CRYBG3: variants seen among roughly 807,000 people sequenced by gnomAD.
The protein encoded by CRYBG3 is crystallin beta-gamma domain containing 3.
CRYBG3 carries 127 observed loss-of-function variants against 244.2 expected under a neutral mutation model. The ratio of observed to expected loss-of-function variants is 0.52; its 90% confidence interval spans 0.45 to 0.60. The LOEUF (loss-of-function observed/expected upper bound fraction) is 0.60. CRYBG3 is among the 20% of genes least tolerant of loss of function. The pLI is 0.00. For missense variants in CRYBG3, 3,325 were observed against 3,442.5 expected (o/e 0.97, Z 0.85); for synonymous variants, 1,132 against 1,195.8 (o/e 0.95, Z 1.10).
intron 11 of CRYBG3, among the ~76,000 whole-genome samples, chr3:97,895,474 G>C (rs1405918932): frequency 2.6e-5 from 4 of 152,036 alleles, no homozygotes; most frequent in Admixed American, 1.3e-4. Flanking sequence ...CTTGTATTTT[G>C]TTTTAGAACT....
chr3:97,923,429 A>G (rs2040005614), intron 17 of CRYBG3, among the ~76,000 whole-genome samples: 1 of 152,124 alleles, frequency 6.6e-6, no homozygotes, highest in African/African-American at 2.4e-5. Context: ...TATTATGCAC[A>G]TTTTGAAAAT....
chr3:97,830,560 A>AT (rs2038641409), intron 1 of CRYBG3, among the ~76,000 whole-genome samples: 3 of 152,212 alleles, frequency 2.0e-5, no homozygotes, highest in Admixed American at 2.0e-4. Flanking sequence ...CTGAAAATAC[A>AT]TTTTTCTACT....
rs895772455 is a variant in CRYBG3 at position 97,822,233 on chromosome 3, C to T, written c.27C>T (p.Ser9=). 1.3e-6 allele frequency: 2 copies of T among 1,527,600 alleles called. No homozygotes were observed. The highest frequency in any genetic ancestry group is 2.5e-5 in the East Asian group (1 of 40,218). 94.6% of individuals were successfully genotyped at this position (1,527,600 alleles called of 1,614,324 possible). MSSGRRRG[S]APWHSFSRFF... is the part of the protein sequence containing the mutation. ...TGTCCAGCGGCCGCAGAAGGGGCAG[C>T]GCCCCCTGGCACAGCTTCTCCCGGT... Residue 9 remains serine (S), a synonymous_variant, in exon 1 of 22, where the codon AGC becomes AGT. Transcript: ENST00000389622.
rs546096888 is a variant in CRYBG3 at position 97,838,376 on chromosome 3, T to C, written c.150-4819T>C. On this transcript the variant is annotated intron_variant, in intron 1 of 21. Transcript: ENST00000389622. ...ATCAGTTGTTGATGTCAGCTAAAGA[T>C]AGAGAGGCTCTCAGACCATTGTTTA... 1.8e-3 allele frequency among the ~76,000 whole-genome samples: 269 copies of C among 152,258 alleles called. No individual in the cohort carries two copies. The Middle Eastern group carries it at 0.024, about 13-fold the overall frequency.
intron 12 of CRYBG3, among the ~76,000 whole-genome samples, chr3:97,897,584 C>T (rs2039654006): frequency 6.6e-6 from 1 of 151,928 alleles, no homozygotes; most frequent in African/African-American, 2.4e-5. Context: ...ATAGGGCTTA[C>T]CCTGGACTTT....
At chr3:97,932,244 G>A (rs1272513265) in intron 17 of CRYBG3, among the ~76,000 whole-genome samples, 5 of 151,950 alleles carry the variant, frequency 3.3e-5, no homozygotes, top group Admixed American at 1.3e-4. Context: ...AAATGGTAGT[G>A]TATGAAATAC....
intron 19 of CRYBG3, among the ~76,000 whole-genome samples, chr3:97,940,030 G>T (rs897213157): frequency 3.3e-5 from 5 of 152,002 alleles, no homozygotes; most frequent in African/African-American, 1.2e-4. Flanking sequence ...ATGTTTCTTA[G>T]CATGAAAGTG....
chr3:97,915,795 C>A, intron 17 of CRYBG3, 59 bp downstream of exon 17: 1 of 1,286,770 alleles, frequency 7.8e-7, no homozygotes, highest in Non-Finnish European at 1.1e-6. Context: ...GTTTAATTAC[C>A]ACCAATGATA....
intron 2 of CRYBG3, among the ~76,000 whole-genome samples, chr3:97,859,153 G>A (rs1375650457): frequency 3.3e-5 from 5 of 152,108 alleles, no homozygotes; most frequent in African/African-American, 1.2e-4. Context: ...GGGCAGTATC[G>A]TCAGTGACAG....
chr3:97,870,319 A>G (rs1032239296), intron 3 of CRYBG3, among the ~76,000 whole-genome samples: 5 of 152,052 alleles, frequency 3.3e-5, no homozygotes, highest in Admixed American at 2.0e-4. Context: ...ATTAGGCCCC[A>G]GTGTTTATTG....
In CRYBG3 at chr3:97,872,243, C is replaced by T. The variant is rs1024371911; in HGVS notation, c.1049C>T (p.Ser350Phe). The T allele has an allele frequency of 6.5e-7, 1 of 1,535,756 alleles. No homozygotes were observed. The highest frequency in any genetic ancestry group is 1.4e-5 in the African/African-American group (1 of 73,010). ...GAGAGAAATAGGTCATCCCCTTCTT[C>T]TGTGACTAACTCCAGCTACGATGGA... The part of the protein sequence containing the change: ...SIERNRSSPS[S>F]VTNSSYDGES... The change falls in exon 4 of 22, where the codon TCT (serine) becomes TTT (phenylalanine). Residue 350 changes from serine to phenylalanine, a missense_variant. Physicochemically the swap from Ser to Phe is radical, Grantham distance 155. Transcript: ENST00000389622.
In CRYBG3 at chr3:97,924,383, C is replaced by T. The variant is rs969810705; in HGVS notation, c.8241+8647C>T. The T allele has an allele frequency of 9.7e-5, 44 of 453,212 alleles. No homozygotes were observed. In the Admixed American group the frequency reaches 1.0e-3, roughly 11 times the overall value. The allele number at this position is 453,212 out of a possible 1,614,324, so 28.1% of individuals were successfully genotyped here. ...CTGCAGTAGGATGGATTTCTTCAAA[C>T]AGAAAAAGCACAAATGAATAAGAAA... On this transcript the variant is annotated intron_variant, in intron 17 of 21. Coordinates refer to ENST00000389622, the MANE Select transcript of CRYBG3 (RefSeq NM_153605.4).
chr3:97,906,141 A>G (rs1226115338), intron 15 of CRYBG3, among the ~76,000 whole-genome samples: 1 of 149,688 alleles, frequency 6.7e-6, no homozygotes, highest in Non-Finnish European at 1.5e-5. Context: ...TGTTTTGGTT[A>G]CTGTAGCCTT....
In CRYBG3 at chr3:97,875,095, T is replaced by C; in HGVS notation, c.3901T>C (p.Leu1301=). ...DPNSMNVSCL[L]EDKARELVNE... ...TAATAGTATGAATGTATCTTGTTTG[T>C]TAGAAGATAAAGCTAGGGAATTAGT... is the stretch of plus-strand genomic sequence containing the variant. The change falls in exon 4 of 22, where the codon TTA becomes CTA. Residue 1301 remains leucine, a synonymous_variant. Coordinates refer to ENST00000389622, the MANE Select transcript of CRYBG3 (RefSeq NM_153605.4). The C allele has an allele frequency of 6.5e-7, 1 of 1,532,958 alleles. No homozygotes were observed. Among genetic ancestry groups the C allele is most frequent in the South Asian group, 1.2e-5 (1 of 83,530 alleles). The allele number at this position is 1,532,958 out of a possible 1,614,324, so 95.0% of individuals were successfully genotyped here.
At chr3:97,848,079 A>G (rs1330600403) in intron 2 of CRYBG3, among the ~76,000 whole-genome samples, 1 of 152,178 alleles carries the variant, frequency 6.6e-6, no homozygotes. Flanking sequence ...AGAATACAGA[A>G]TTATGTAGTA....
chr3:97,911,908 G>A (rs551593639), intron 15 of CRYBG3, among the ~76,000 whole-genome samples: 1 of 152,262 alleles, frequency 6.6e-6, no homozygotes, highest in African/African-American at 2.4e-5. Context: ...TGATTTCTAG[G>A]CCTCTCTTCC....
chr3:97,922,959 C>T lies in CRYBG3; in HGVS notation c.8241+7223C>T, dbSNP rs831871. On this transcript the variant is annotated intron_variant, in intron 17 of 21. Transcript: ENST00000389622. ...AACCCGAATGTCCATCAATGATAGA[C>T]GGGATTAAGAAAATGTGGCACATAT... 2.4e-3 allele frequency among the ~76,000 whole-genome samples: 364 copies of T among 152,158 alleles called. 2 individuals are homozygous for T. In the East Asian group the frequency reaches 0.025, roughly 10 times the overall value.
At chr3:97,893,029 CTGTTTT>C (rs1204429243) in intron 11 of CRYBG3, 36 bp downstream of exon 11, 1 of 1,570,862 alleles carries the variant, frequency 6.4e-7, no homozygotes, top group Admixed American at 2.0e-5. Context: ...CACAAGTAGT[CTGTTTT>C]TGAAGGTCAG....
At chr3:97,895,106 C>A (rs371105558) in intron 11 of CRYBG3, among the ~76,000 whole-genome samples, 1 of 152,172 alleles carries the variant, frequency 6.6e-6, no homozygotes, top group Admixed American at 6.6e-5. Context: ...AATTTCCCAA[C>A]CCTGGAGCTC....
Sources: allele counts gnomAD v4.1 joint callset (sites outside exome capture counted in the v4.1 genomes callset), GRCh38; gene constraint gnomAD v4.1.1; transcripts MANE v1.5; gene names NCBI Gene and HGNC (gene_info 2026-07-23, HGNC 2026-07-21).